The following MLLT10 variants were observed in gnomAD, a reference collection of about 807,000 sequenced individuals.
The protein encoded by MLLT10 is MLLT10 histone lysine methyltransferase DOT1L cofactor, also known as protein AF-10.
MLLT10 carries 30 observed loss-of-function variants against 129.1 expected under a neutral mutation model. That is an observed-to-expected ratio of 0.23 (90% CI 0.17 to 0.32). The LOEUF is 0.32. Among genes scored for constraint, MLLT10 ranks in the 10% least tolerant of loss-of-function variants. MLLT10 has a pLI of 1.00. For missense variants in MLLT10, 1,119 were observed against 1,268.3 expected, an observed-to-expected ratio of 0.88 and a Z score of 1.79; for synonymous variants, 490 against 446.4, an observed-to-expected ratio of 1.10 and a Z score of -1.23.
At chr10:21,568,588 G>T (rs1397229861) in intron 3 of MLLT10, among the ~76,000 whole-genome samples, 1 of 151,908 alleles carries the variant, frequency 6.6e-6, no homozygotes, top group African/African-American at 2.4e-5. Flanking sequence ...AAAAATACTT[G>T]ATATTTTTGT....
At chr10:21,643,451 C>A (rs1259216277) in intron 8 of MLLT10, among the ~76,000 whole-genome samples, 1 of 152,134 alleles carries the variant, frequency 6.6e-6, no homozygotes, top group Non-Finnish European at 1.5e-5. Context: ...TAGCTGCTCA[C>A]TATTAGTCTT....
In MLLT10 at chr10:21,728,024, C is replaced by T. The variant is rs973393715; in HGVS notation, c.2063+96C>T. ...ATCAGTAGAGTGTACATTTGTGAGG[C>T]TATAAAAGCATTCTACAGATAAGAA... On this transcript the variant is annotated intron_variant, in intron 16 of 22. Transcript: ENST00000307729. 7 of 900,052 alleles carry T rather than the reference C, an allele frequency of 7.8e-6. No homozygotes were observed. In the Admixed American group the frequency reaches 1.5e-4, roughly 19 times the overall value. 55.8% of individuals were successfully genotyped at this position (900,052 alleles called of 1,614,324 possible).
At chr10:21,584,115 G>A (rs897348313) in intron 3 of MLLT10, among the ~76,000 whole-genome samples, 3 of 151,332 alleles carry the variant, frequency 2.0e-5, no homozygotes, top group South Asian at 2.1e-4. Context: ...TGATCCACCC[G>A]CCTCAGCCTC....
intron 3 of MLLT10, among the ~76,000 whole-genome samples, chr10:21,542,877 C>A (rs1044705250): frequency 1.3e-5 from 2 of 152,128 alleles, no homozygotes; most frequent in African/African-American, 4.8e-5. Context: ...CAAAGTGAAA[C>A]CCTCTTTAAG....
chr10:21,592,306 A>G (rs1022373870), intron 4 of MLLT10, among the ~76,000 whole-genome samples: 2 of 152,192 alleles, frequency 1.3e-5, no homozygotes, highest in Non-Finnish European at 2.9e-5. Flanking sequence ...TTACTCAAGG[A>G]AAATTGTTTG....
intron 3 of MLLT10, among the ~76,000 whole-genome samples, chr10:21,578,488 CTT>C (rs2041027489): frequency 1.3e-5 from 2 of 152,042 alleles, no homozygotes; most frequent in African/African-American, 4.8e-5. Flanking sequence ...GTTATTTTTT[CTT>C]TTATTGCCTC....
chr10:21,692,208 G>A (rs951382719), intron 13 of MLLT10, among the ~76,000 whole-genome samples: 1 of 146,144 alleles, frequency 6.8e-6, no homozygotes, highest in Admixed American at 6.9e-5. Context: ...AATAATAGAA[G>A]TGACTTCCAT....
intron 3 of MLLT10, among the ~76,000 whole-genome samples, chr10:21,553,092 C>T (rs1267826283): frequency 6.6e-6 from 1 of 152,058 alleles, no homozygotes; most frequent in Non-Finnish European, 1.5e-5. Context: ...CCCTACTCCC[C>T]TGTTTCTTTA....
chr10:21,714,646 C>T (rs1404881412), intron 14 of MLLT10, among the ~76,000 whole-genome samples: 1 of 152,164 alleles, frequency 6.6e-6, no homozygotes, highest in African/African-American at 2.4e-5. Flanking sequence ...ATTCTCCTGC[C>T]TCAGCCTCCC....
intron 4 of MLLT10, among the ~76,000 whole-genome samples, chr10:21,589,953 T>C (rs1327929286): frequency 3.9e-5 from 6 of 152,052 alleles, no homozygotes; most frequent in Non-Finnish European, 7.4e-5. Flanking sequence ...CTTTCTTTTT[T>C]AACAGTGTAT....
At chr10:21,653,044 A>T (rs2049206755) in intron 9 of MLLT10, among the ~76,000 whole-genome samples, 1 of 152,190 alleles carries the variant, frequency 6.6e-6, no homozygotes, top group Non-Finnish European at 1.5e-5. Flanking sequence ...GGTTGAGGGG[A>T]AAGAAAGGAA....
chr10:21,627,942 T>TA (rs2131255842), intron 8 of MLLT10, among the ~76,000 whole-genome samples: 1 of 152,366 alleles, frequency 6.6e-6, no homozygotes, highest in African/African-American at 2.4e-5. Context: ...TTTTTCATGT[T>TA]ACCACAGGCA....
intron 3 of MLLT10, among the ~76,000 whole-genome samples, chr10:21,556,426 C>A (rs2037986418): frequency 6.6e-6 from 1 of 152,090 alleles, no homozygotes; most frequent in South Asian, 2.1e-4. Context: ...AACCTGGTTA[C>A]CAATATTCCT....
chr10:21,623,378 T>A (rs1230370962), intron 8 of MLLT10, among the ~76,000 whole-genome samples: 1 of 152,200 alleles, frequency 6.6e-6, no homozygotes, highest in Non-Finnish European at 1.5e-5. Context: ...GGGCTTATTA[T>A]GAGCACTAGG....
rs1001231987 is a variant in MLLT10 at position 21,681,409 on chromosome 10, C to T, written c.1666+33C>T. ...GTCAAACTGGGTTGATAACCCGGGC[C>T]TTTTGTCTCCTCTAGTGCTCTTTCT... On this transcript the variant is annotated intron_variant, in intron 12 of 22. Coordinates refer to ENST00000307729, the MANE Select transcript of MLLT10 (RefSeq NM_001195626.3). The T allele has an allele frequency of 2.7e-6, 4 of 1,461,666 alleles. No homozygotes were observed. The East Asian group carries it at 6.8e-5, about 25-fold the overall frequency. The allele number at this position is 1,461,666 out of a possible 1,614,324, so 90.5% of individuals were successfully genotyped here.
intron 3 of MLLT10, among the ~76,000 whole-genome samples, chr10:21,581,471 G>A (rs2041450729): frequency 6.6e-6 from 1 of 152,220 alleles, no homozygotes; most frequent in African/African-American, 2.4e-5. Context: ...CTCTGGGTGA[G>A]TCAGTGAGTA....
At chr10:21,665,930 C>A (rs1182989184) in intron 9 of MLLT10, among the ~76,000 whole-genome samples, 1 of 152,080 alleles carries the variant, frequency 6.6e-6, no homozygotes, top group Admixed American at 6.6e-5. Context: ...TGGTCTCGAA[C>A]TCCTGACCTT....
At chr10:21,667,424 G>T (rs190243258) in intron 9 of MLLT10, among the ~76,000 whole-genome samples, 1 of 147,130 alleles carries the variant, frequency 6.8e-6, no homozygotes, top group Non-Finnish European at 1.5e-5. Context: ...TCAGTTTTGT[G>T]GGGATTTTTT....
intron 8 of MLLT10, among the ~76,000 whole-genome samples, chr10:21,648,186 A>G (rs931066116): frequency 1.3e-5 from 2 of 152,176 alleles, no homozygotes; most frequent in Non-Finnish European, 2.9e-5. Context: ...AAATCAACAT[A>G]TGTTTTTAGT....
Sources: gnomAD v4.1 joint callset for allele counts (sites outside exome capture counted in the v4.1 genomes callset) on GRCh38, gnomAD v4.1.1 for gene constraint, MANE v1.5 for transcripts, NCBI Gene and HGNC (gene_info 2026-07-23, HGNC 2026-07-21) for gene names.